GPC6: variants seen among roughly 807,000 people sequenced by gnomAD.
GPC6 encodes the protein glypican 6.
GPC6 carries 14 observed loss-of-function variants against 55.2 expected under a neutral mutation model. The observed-to-expected ratio is 0.25, with a 90% CI of 0.17 to 0.40. The LOEUF (loss-of-function observed/expected upper bound fraction) is 0.40, where lower values mean the gene tolerates loss of function less well. Among genes scored for constraint, GPC6 ranks in the 10% least tolerant of loss-of-function variants. GPC6 has a pLI of 1.00. For synonymous variants in GPC6, 278 were observed against 259.6 expected (o/e 1.07, Z -0.68); for missense variants, 641 against 708.5 (o/e 0.90, Z 1.08).
chr13:93,466,215 A>G lies in GPC6; in HGVS notation c.161-79048A>G, dbSNP rs1219671114. Among the ~76,000 whole-genome samples the G allele has an allele frequency of 3.5e-4, 36 of 102,228 alleles. No individual in the cohort carries two copies. The Admixed American group carries it at 4.9e-3, about 14-fold the overall frequency. 67.1% of individuals were successfully genotyped at this position (102,228 alleles called of 152,430 possible). On this transcript the variant is annotated intron_variant, in intron 1 of 8. Transcript: ENST00000377047. ...GGGTTGCCACAAACTTTCAAATTGT[A>G]AAAAAAAACAGTATCTGTGAAGAAC...
At chr13:94,306,983 ACTTAGAT>A (rs1234146852) in intron 6 of GPC6, among the ~76,000 whole-genome samples, 1 of 152,212 alleles carries the variant, frequency 6.6e-6, no homozygotes, top group East Asian at 1.9e-4. Context: ...TGTCATATAA[ACTTAGAT>A]CTCAAAGACT....
At chr13:93,386,297 T>C (rs1199079966) in intron 1 of GPC6, among the ~76,000 whole-genome samples, 1 of 152,068 alleles carries the variant, frequency 6.6e-6, no homozygotes, top group Non-Finnish European at 1.5e-5. Flanking sequence ...TGTAGATAAT[T>C]CTCCCCTTCA....
At chr13:94,032,525 G>C (rs1883181103) in intron 4 of GPC6, among the ~76,000 whole-genome samples, 1 of 152,196 alleles carries the variant, frequency 6.6e-6, no homozygotes, top group Non-Finnish European at 1.5e-5. Context: ...AATAGGTCTA[G>C]CATGATTTGT....
rs1221142383 is a variant in GPC6 at position 93,921,153 on chromosome 13, A to AC, written c.711+90614dup. ...CATGCTGAAACTGAAGAGTTTCCTG[A>AC]CCCCCCTTACAGGACCTGTGGCAGG... On this transcript the variant is annotated intron_variant, in intron 3 of 8. Transcript: ENST00000377047. 1.7e-4 allele frequency among the ~76,000 whole-genome samples: 26 copies of AC among 152,146 alleles called. 1 individual carries two copies. The highest frequency in any genetic ancestry group is 1.7e-3 in the Admixed American group (26 of 15,288).
intron 4 of GPC6, among the ~76,000 whole-genome samples, chr13:94,269,043 T>C (rs1246179548): frequency 6.6e-6 from 1 of 152,168 alleles, no homozygotes; most frequent in African/African-American, 2.4e-5. Flanking sequence ...ATTTTTATTT[T>C]TTTCAAAATG....
chr13:93,600,093 T>C (rs11070064), intron 2 of GPC6, among the ~76,000 whole-genome samples: 42,698 of 152,154 alleles, frequency 0.28, 7,061 homozygotes, highest in Non-Finnish European at 0.37. Context: ...GCTTTCTCAT[T>C]CTTATAATAG....
intron 2 of GPC6, among the ~76,000 whole-genome samples, chr13:93,717,773 CT>C (rs1195596002): frequency 2.0e-5 from 3 of 151,584 alleles, no homozygotes; most frequent in African/African-American, 7.3e-5. Flanking sequence ...CCCCCCACCC[CT>C]GACAGACCTT....
chr13:93,862,304 G>A (rs1210926213), intron 3 of GPC6, among the ~76,000 whole-genome samples: 1 of 151,570 alleles, frequency 6.6e-6, no homozygotes, highest in South Asian at 2.1e-4. Context: ...TGAAAGTTTA[G>A]CTGACTTCTG....
At chr13:94,227,477 G>A (rs1268052717) in intron 4 of GPC6, among the ~76,000 whole-genome samples, 1 of 152,188 alleles carries the variant, frequency 6.6e-6, no homozygotes, top group Admixed American at 6.5e-5. Context: ...ACATTCACCT[G>A]GGTGCCAGGA....
At chr13:93,534,660 TG>T (rs1164876720) in intron 1 of GPC6, among the ~76,000 whole-genome samples, 2 of 152,154 alleles carry the variant, frequency 1.3e-5, no homozygotes, top group African/African-American at 2.4e-5. Flanking sequence ...AATGAACATC[TG>T]GGCAAGCATT....
intron 2 of GPC6, among the ~76,000 whole-genome samples, chr13:93,733,597 A>G (rs1012522006): frequency 2.6e-5 from 4 of 151,908 alleles, no homozygotes; most frequent in Non-Finnish European, 4.4e-5. Flanking sequence ...AAATCTGAGA[A>G]GTCAAGGATC....
In GPC6 at chr13:94,306,081, G is replaced by A; in HGVS notation, c.1110G>A (p.Glu370=). The change falls in exon 6 of 9, where the codon GAG becomes GAA. Residue 370 remains glutamate, a synonymous_variant. Coordinates refer to ENST00000377047, the MANE Select transcript of GPC6 (RefSeq NM_005708.5). ...FNTRFRPYNP[E]ERPTTAAGTS... is the part of the protein sequence containing the mutation. Reference sequence around the variant, plus strand: ...CACGTTTCAGGCCCTACAATCCTGAGGAAAGACCAACAACTGCTGCAGGCA... The same window carrying A: ...CACGTTTCAGGCCCTACAATCCTGAAGAAAGACCAACAACTGCTGCAGGCA... The A allele has an allele frequency of 1.2e-6, 2 of 1,614,198 alleles. No homozygotes were observed. The highest frequency in any genetic ancestry group is 1.7e-6 in the Non-Finnish European group (2 of 1,180,030).
intron 3 of GPC6, among the ~76,000 whole-genome samples, chr13:93,978,773 G>A (rs922204311): frequency 6.6e-6 from 1 of 151,914 alleles, no homozygotes; most frequent in African/African-American, 2.4e-5. Context: ...ACAAAGGTAA[G>A]ACTTATTTAT....
chr13:93,517,900 C>T (rs1881260865), intron 1 of GPC6, among the ~76,000 whole-genome samples: 1 of 151,814 alleles, frequency 6.6e-6, no homozygotes, highest in South Asian at 2.1e-4. Flanking sequence ...AAATCAGTGG[C>T]TATTTTTCCT....
intron 3 of GPC6, among the ~76,000 whole-genome samples, chr13:93,877,813 C>A (rs561138494): frequency 6.6e-6 from 1 of 152,072 alleles, no homozygotes; most frequent in South Asian, 2.1e-4. Flanking sequence ...TTTACTTAGT[C>A]TTATGTGATA....
chr13:94,022,687 T>C (rs911472468), intron 3 of GPC6, among the ~76,000 whole-genome samples: 2 of 152,036 alleles, frequency 1.3e-5, no homozygotes, highest in Admixed American at 1.3e-4. Flanking sequence ...AATGGCCACA[T>C]CAATCCCTTT....
At chr13:94,311,672 C>CCCATTCATTATT (rs1243386329) in intron 6 of GPC6, among the ~76,000 whole-genome samples, 2 of 152,226 alleles carry the variant, frequency 1.3e-5, no homozygotes, top group East Asian at 3.9e-4. Context: ...AGAAATTGTC[C>CCCATTCATTATT]CCTGAGTACT....
chr13:93,888,982 G>A (rs1875504186), intron 3 of GPC6, among the ~76,000 whole-genome samples: 1 of 152,008 alleles, frequency 6.6e-6, no homozygotes, highest in Admixed American at 6.6e-5. Flanking sequence ...TAATAGCCAA[G>A]ACTTATCATC....
intron 2 of GPC6, among the ~76,000 whole-genome samples, chr13:93,623,136 A>G (rs988275329): frequency 1.1e-4 from 16 of 152,174 alleles, no homozygotes; most frequent in Non-Finnish European, 2.1e-4. Flanking sequence ...TATTCATGCC[A>G]CATTTTCTTT....
Sources: allele counts gnomAD v4.1 joint callset (sites outside exome capture counted in the v4.1 genomes callset), GRCh38; gene constraint gnomAD v4.1.1; transcripts MANE v1.5; gene names NCBI Gene and HGNC (gene_info 2026-07-23, HGNC 2026-07-21).